TRIT1: variants seen among roughly 807,000 people sequenced by gnomAD.
TRIT1 encodes the protein tRNA isopentenyltransferase 1.
Under a neutral mutation model 51.2 loss-of-function variants are expected in TRIT1, and 43 were observed. The ratio of observed to expected loss-of-function variants is 0.84; its 90% CI spans 0.66 to 1.08. The LOEUF is 1.08. Ranked by LOEUF, TRIT1 falls within the 50% of genes least tolerant of loss-of-function variation. The probability of loss-of-function intolerance (pLI) is 0.00; values close to 1 mark genes in which losing one functional copy is unlikely to be tolerated. For missense variants in TRIT1, 528 were observed against 578.4 expected (o/e 0.91, Z 0.89); for synonymous variants, 184 against 203.9 (o/e 0.90, Z 0.83).
At chr1:39,844,782 G>A in intron 8 of TRIT1, 142 bp from the exon 9 acceptor site, 1 of 621,910 alleles carries the variant, frequency 1.6e-6, no homozygotes, top group Non-Finnish European at 2.9e-6. Flanking sequence ...AACTAAACAT[G>A]AACCACAATC....
At chr1:39,853,896 T>C (rs766736877) in intron 3 of TRIT1, 74 bp downstream of exon 3, 26 of 1,053,172 alleles carry the variant, frequency 2.5e-5, no homozygotes, top group East Asian at 4.8e-5. Flanking sequence ...AGAGTCAACC[T>C]TTCTCCCACT....
Position 39,848,798 on chromosome 1 carries a change from G to C in TRIT1, c.704-701C>G, listed in dbSNP as rs775586848. ...AGATCGCACCACTGCATTCCAGCCT[G>C]GGCAACAGGGCGAGACTCTGTCTCA... is the stretch of plus-strand genomic sequence containing the variant. On this transcript the variant is annotated intron_variant, in intron 5 of 10. Coordinates refer to ENST00000316891, the MANE Select transcript of TRIT1 (RefSeq NM_017646.6). Among the ~76,000 whole-genome samples the C allele has an allele frequency of 1.3e-4, 19 of 151,554 alleles. 1 individual carries two copies. The highest frequency in any genetic ancestry group is 1.8e-4 in the Non-Finnish European group (12 of 67,924).
intron 1 of TRIT1, chr1:39,862,680 G>A (rs1298652673): frequency 1.5e-6 from 1 of 689,654 alleles, no homozygotes; most frequent in African/African-American, 2.0e-5. Flanking sequence ...TTGGTCCAGA[G>A]GTTTAGGTCA....
intron 1 of TRIT1, among the ~76,000 whole-genome samples, chr1:39,869,472 G>T (rs1021612519): frequency 6.6e-6 from 1 of 152,198 alleles, no homozygotes; most frequent in African/African-American, 2.4e-5. Context: ...CCTCCCAGCC[G>T]CCTGCCTTGG....
chr1:39,876,581 C>T lies in TRIT1; in HGVS notation c.174+6737G>A, dbSNP rs528253119. On this transcript the variant is annotated intron_variant, in intron 1 of 10. Coordinates refer to ENST00000316891, the MANE Select transcript of TRIT1 (RefSeq NM_017646.6). ...CTATATATATATATGAATGATGAGT[C>T]GAAAATTTTGAGATTTCCTTTTTAG... Among the ~76,000 whole-genome samples the T allele has an allele frequency of 1.0e-4, 14 of 136,542 alleles. No homozygotes were observed. In the East Asian group the frequency reaches 1.2e-3, roughly 12 times the overall value. 89.6% of individuals were successfully genotyped at this position (136,542 alleles called of 152,430 possible).
chr1:39,848,971 T>C (rs1642402005), intron 5 of TRIT1, among the ~76,000 whole-genome samples: 1 of 152,100 alleles, frequency 6.6e-6, no homozygotes, highest in Non-Finnish European at 1.5e-5. Context: ...AGAGTAAAAG[T>C]TTTTGTTTAT....
At chr1:39,853,906 T>A in intron 3 of TRIT1, 64 bp downstream of exon 3, 1 of 1,163,474 alleles carries the variant, frequency 8.6e-7, no homozygotes, top group Non-Finnish European at 1.3e-6. Flanking sequence ...TTTCTCCCAC[T>A]GAAATTAGAC....
At chr1:39,876,542 AT>A (rs1381475951) in intron 1 of TRIT1, among the ~76,000 whole-genome samples, 1 of 147,384 alleles carries the variant, frequency 6.8e-6, no homozygotes, top group Non-Finnish European at 1.5e-5. Context: ...CTATCTATCT[AT>A]CTATCTATCT....
At chr1:39,865,687 A>G (rs75478519) in intron 1 of TRIT1, among the ~76,000 whole-genome samples, 3,256 of 147,042 alleles carry the variant, frequency 0.022, 135 homozygotes, top group African/African-American at 0.075. Flanking sequence ...AAAAAAAAAA[A>G]AAAGAAAAGA....
At chr1:39,874,948 G>C (rs193089116) in intron 1 of TRIT1, among the ~76,000 whole-genome samples, 1 of 152,034 alleles carries the variant, frequency 6.6e-6, no homozygotes, top group Admixed American at 6.6e-5. Flanking sequence ...AATTATAGGC[G>C]TGAGCCACTG....
chr1:39,863,643 A>C (rs1000500817), intron 1 of TRIT1, among the ~76,000 whole-genome samples: 1 of 152,152 alleles, frequency 6.6e-6, no homozygotes, highest in African/African-American at 2.4e-5. Context: ...CCACACTGAA[A>C]AAAAAAATTT....
chr1:39,859,438 A>G (rs1169136734), intron 1 of TRIT1, among the ~76,000 whole-genome samples: 1 of 151,520 alleles, frequency 6.6e-6, no homozygotes, highest in Non-Finnish European at 1.5e-5. Flanking sequence ...ATGAAAAATT[A>G]GCCAGGTGTG....
rs1181889307 is a variant in TRIT1 at position 39,841,203 on chromosome 1, TTCCC to T, written c.*537_*540del. On this transcript the variant is annotated 3_prime_UTR_variant, in exon 11 of 11. Transcript: ENST00000316891. ...CTATGTCACAGCTTCCTCAGTCTGA[TTCCC>T]TCCTTCTCTGTAGAATTCTGAGAAC... 1 of 152,234 alleles carries T rather than the reference TTCCC, an allele frequency of 6.6e-6. No homozygotes were observed. The highest frequency in any genetic ancestry group is 1.5e-5 in the Non-Finnish European group (1 of 68,038). 9.4% of individuals were successfully genotyped at this position (152,234 alleles called of 1,614,324 possible). A position where few individuals can be genotyped will look rare whatever the true frequency, so the allele number is the denominator to read the frequency against.
At position 39,850,461 on chromosome 1, in the gene TRIT1, G is replaced by C. The variant is rs1333321737; in HGVS notation, c.561-200C>G. 1.3e-5 allele frequency among the ~76,000 whole-genome samples: 2 copies of C among 152,110 alleles called. 1 individual carries two copies. The highest frequency in any genetic ancestry group is 3.8e-4 in the East Asian group (2 of 5,198). On this transcript the variant is annotated intron_variant, in intron 4 of 10. Coordinates refer to ENST00000316891, the MANE Select transcript of TRIT1 (RefSeq NM_017646.6). ...GGACTGCTTGAGCTCAGGAGTTCAA[G>C]ACCAACCTAAGCAGCAACAGACCCT...
intron 7 of TRIT1, 89 bp from the exon 8 acceptor site, chr1:39,847,386 C>A: frequency 6.8e-7 from 1 of 1,468,040 alleles, no homozygotes; most frequent in South Asian, 1.2e-5. Flanking sequence ...AGGAAAAAGT[C>A]AGCCACGGCA....
chr1:39,852,680 C>A, intron 4 of TRIT1, 51 bp downstream of exon 4: 1 of 1,586,986 alleles, frequency 6.3e-7, no homozygotes, highest in Non-Finnish European at 8.6e-7. Context: ...GAAGAACTGA[C>A]TGCTCTCTAG....
At chr1:39,847,173 T>A (rs770155414) in intron 8 of TRIT1, 47 bp downstream of exon 8, 1 of 1,494,722 alleles carries the variant, frequency 6.7e-7, no homozygotes. Context: ...GACATCTATA[T>A]TCTATTGAAA....
intron 1 of TRIT1, among the ~76,000 whole-genome samples, chr1:39,859,593 AAG>A (rs1643124653): frequency 6.8e-6 from 1 of 148,010 alleles, no homozygotes. Context: ...AAAAAAAAAA[AAG>A]AAAGAAAGAA....
rs930971470 is a variant in TRIT1 at position 39,869,673 on chromosome 1, G to A, written c.175-12256C>T. Reference sequence around the variant, plus strand: ...AGGAAGTGAGGAGCGTCTCTGCCCCGCCGCCCACCGTCTGAGATGTGAGGA... The same window carrying A: ...AGGAAGTGAGGAGCGTCTCTGCCCCACCGCCCACCGTCTGAGATGTGAGGA... On this transcript the variant is annotated intron_variant, in intron 1 of 10. Transcript: ENST00000316891. 2.6e-4 allele frequency among the ~76,000 whole-genome samples: 40 copies of A among 151,562 alleles called. No homozygotes were observed. In the East Asian group the frequency reaches 3.3e-3, roughly 13 times the overall value.
Sources: allele counts gnomAD v4.1 joint callset (sites outside exome capture counted in the v4.1 genomes callset), GRCh38; gene constraint gnomAD v4.1.1; transcripts MANE v1.5; gene names NCBI Gene and HGNC (gene_info 2026-07-23, HGNC 2026-07-21).